The following ARID1A variants were observed in gnomAD, a reference collection of about 807,000 sequenced individuals.
ARID1A encodes the protein AT-rich interactive domain-containing protein 1A.
Under a neutral mutation model 212.6 loss-of-function variants are expected in ARID1A, and 20 were observed. The observed-to-expected ratio is 0.09, with a 90% CI of 0.07 to 0.14. The LOEUF is 0.14. ARID1A is among the 10% of genes least tolerant of loss of function. The pLI is 1.00. For synonymous variants in ARID1A, 1,376 were observed against 1,222.1 expected (o/e 1.13, Z -2.63); for missense variants, 2,587 against 3,059.0 (o/e 0.85, Z 3.64).
chr1:26,698,989 A>C (rs1308078809), intron 1 of ARID1A, among the ~76,000 whole-genome samples: 2 of 152,154 alleles, frequency 1.3e-5, no homozygotes, highest in African/African-American at 4.8e-5. Flanking sequence ...ATAGCAGCTT[A>C]ATTTAAAGGG....
intron 19 of ARID1A, chr1:26,778,697 A>C (rs1557619260): frequency 9.1e-6 from 2 of 218,866 alleles, no homozygotes; most frequent in Admixed American, 5.4e-5. Context: ...CCAGGTTGAA[A>C]ACTGGCCTGG....
intron 4 of ARID1A, among the ~76,000 whole-genome samples, chr1:26,742,227 CAT>C (rs2080794329): frequency 6.6e-6 from 1 of 152,186 alleles, no homozygotes; most frequent in African/African-American, 2.4e-5. Flanking sequence ...AATGGATTTC[CAT>C]TTTACTTCTG....
At chr1:26,745,481 G>A (rs180954641) in intron 4 of ARID1A, among the ~76,000 whole-genome samples, 10 of 152,242 alleles carry the variant, frequency 6.6e-5, no homozygotes, top group South Asian at 2.1e-4. Context: ...TGGAAATTTC[G>A]TTTTTAAGCT....
chr1:26,714,709 C>T (rs752312156), intron 1 of ARID1A, among the ~76,000 whole-genome samples: 36 of 152,082 alleles, frequency 2.4e-4, no homozygotes, highest in Non-Finnish European at 4.3e-4. Context: ...GCCACCGCGC[C>T]GCATATATAA....
rs1209441224 is a variant in ARID1A, at chr1:26,696,194, G to GCCT, written c.-198_-196dup. On this transcript the variant is annotated 5_prime_UTR_variant, in exon 1 of 20. Transcript: ENST00000324856. ...CGCCGGCGCCTCGGCCGCCGCCGCC[G>GCCT]CCTCCTCCTCCTCCGCCGCCGCCAG... 6.3e-5 allele frequency: 42 copies of GCCT among 665,660 alleles called. No individual in the cohort carries two copies. The highest frequency in any genetic ancestry group is 9.7e-5 in the African/African-American group (5 of 51,722). 41.2% of individuals were successfully genotyped at this position (665,660 alleles called of 1,614,324 possible). A position where few individuals can be genotyped will look rare whatever the true frequency, so the allele number is the denominator to read the frequency against.
At chr1:26,723,080 G>A (rs765162598) in intron 1 of ARID1A, among the ~76,000 whole-genome samples, 1 of 152,162 alleles carries the variant, frequency 6.6e-6, no homozygotes, top group Non-Finnish European at 1.5e-5. Context: ...AAATACTAGG[G>A]GATATAGAAA....
chr1:26,697,052 C>G lies in ARID1A; in HGVS notation c.649C>G (p.Pro217Ala), dbSNP rs1469429098. 4 of 1,532,578 alleles carry G rather than the reference C, an allele frequency of 2.6e-6. No homozygotes were observed. Among genetic ancestry groups the G allele is most frequent in the Admixed American group, 2.1e-5 (1 of 47,802 alleles). 94.9% of individuals were successfully genotyped at this position (1,532,578 alleles called of 1,614,324 possible). Residue 217 changes from proline (P) to alanine (A), a missense_variant, in exon 1 of 20, where the codon CCC (proline) becomes GCC (alanine). Around this residue, in one of 11 missense-constraint regions of ARID1A, gnomAD observed 735 missense variants for 590.6 expected, o/e 1.24. Coordinates refer to ENST00000324856, the MANE Select transcript of ARID1A (RefSeq NM_006015.6). ...FPNHQYNSYYPNRSAYPPPAP... is the reference protein window; with the variant it reads ...FPNHQYNSYYANRSAYPPPAP... Reference sequence around the variant, plus strand: ...CAACCACCAGTACAACTCCTACTACCCCAACCGCAGCGCCTACCCCCCGCC... The same window carrying G: ...CAACCACCAGTACAACTCCTACTACGCCAACCGCAGCGCCTACCCCCCGCC...
At chr1:26,762,722 G>A (rs1441551587) in intron 7 of ARID1A, among the ~76,000 whole-genome samples, 1 of 152,198 alleles carries the variant, frequency 6.6e-6, no homozygotes, top group East Asian at 1.9e-4. Context: ...CACAGAGCAT[G>A]GAAATAGAAA....
intron 1 of ARID1A, among the ~76,000 whole-genome samples, chr1:26,702,240 G>A (rs1047494451): frequency 2.0e-5 from 3 of 152,166 alleles, no homozygotes; most frequent in African/African-American, 7.2e-5. Flanking sequence ...TTTCATAGGT[G>A]CATTTGTTGT....
intron 11 of ARID1A, chr1:26,769,392 T>G (rs567755685): frequency 6.6e-6 from 1 of 152,230 alleles, no homozygotes; most frequent in Non-Finnish European, 1.5e-5. Context: ...ATAAGTTAGT[T>G]TGTGAAGGCT....
At position 26,771,172 on chromosome 1, in the gene ARID1A, A is replaced by T. The variant is rs2124097167; in HGVS notation, c.3252A>T (p.Thr1084=). 1 of 1,614,220 alleles carries T rather than the reference A, an allele frequency of 6.2e-7. No individual in the cohort carries two copies. The highest frequency in any genetic ancestry group is 8.5e-7 in the Non-Finnish European group (1 of 1,180,032). Residue 1084 remains threonine (T), a synonymous_variant, in exon 12 of 20, where the codon ACA becomes ACT. Transcript: ENST00000324856. The surrounding 1 kb of genome is among the most constrained non-coding windows in gnomAD (Gnocchi z 5.4). The part of the protein sequence containing the change: ...RELATNLNVG[T]SSSAASSLKK... ...TTGCAACCAACCTCAATGTGGGCAC[A>T]TCAAGCAGTGCTGCCAGCTCCTTGA...
chr1:26,752,390 CTCTT>C (rs928242046), intron 4 of ARID1A, among the ~76,000 whole-genome samples: 9 of 152,282 alleles, frequency 5.9e-5, no homozygotes, highest in African/African-American at 2.2e-4. Context: ...GGTCAAATTT[CTCTT>C]TCTTACATTT....
Position 26,696,291 on chromosome 1 carries a change from C to CGCCCGGGCGGGTGGGGAGGGCA in ARID1A, c.-105_-84dup, listed in dbSNP as rs888090260. On this transcript the variant is annotated 5_prime_UTR_variant, in exon 1 of 20. Coordinates refer to ENST00000324856, the MANE Select transcript of ARID1A (RefSeq NM_006015.6). ...CGCAGCAGCGGAGCCCCGCGAGGCC[C>CGCCCGGGCGGGTGGGGAGGGCA]GCCCGGGCGGGTGGGGAGGGCAGCC... The CGCCCGGGCGGGTGGGGAGGGCA allele has an allele frequency of 8.6e-7, 1 of 1,167,424 alleles. No homozygotes were observed. The highest frequency in any genetic ancestry group is 1.7e-5 in the African/African-American group (1 of 59,582). 72.3% of individuals were successfully genotyped at this position (1,167,424 alleles called of 1,614,324 possible).
intron 1 of ARID1A, among the ~76,000 whole-genome samples, chr1:26,725,871 T>C (rs1049085340): frequency 6.6e-6 from 1 of 151,150 alleles, no homozygotes; most frequent in African/African-American, 2.4e-5. Flanking sequence ...TTTTTTTTTT[T>C]TGAGACAGAG....
At chr1:26,740,302 T>C (rs2080775847) in intron 4 of ARID1A, among the ~76,000 whole-genome samples, 1 of 152,220 alleles carries the variant, frequency 6.6e-6, no homozygotes, top group African/African-American at 2.4e-5. Context: ...GATCCTCCTG[T>C]GTTTCATTAG....
chr1:26,709,064 T>G (rs1473810952), intron 1 of ARID1A, among the ~76,000 whole-genome samples: 1 of 152,184 alleles, frequency 6.6e-6, no homozygotes, highest in Non-Finnish European at 1.5e-5. Context: ...CAAAGTTTCA[T>G]AGCAGAGTCA....
In ARID1A at chr1:26,696,334, G is replaced by C. The variant is rs1372577468; in HGVS notation, c.-70G>C. On this transcript the variant is annotated 5_prime_UTR_variant, in exon 1 of 20. Coordinates refer to ENST00000324856, the MANE Select transcript of ARID1A (RefSeq NM_006015.6). Reference sequence around the variant, plus strand: ...GGGCAGCCCGGGGGACTGGGCCCCGGGGCGGGGTGGGAGGGGGGGAGAAGA... The same window carrying C: ...GGGCAGCCCGGGGGACTGGGCCCCGCGGCGGGGTGGGAGGGGGGGAGAAGA... 11 of 1,206,764 alleles carry C rather than the reference G, an allele frequency of 9.1e-6. No homozygotes were observed. Among genetic ancestry groups the C allele is most frequent in the Non-Finnish European group, 1.0e-5 (10 of 971,368 alleles). 74.8% of individuals were successfully genotyped at this position (1,206,764 alleles called of 1,614,324 possible). A position where few individuals can be genotyped will look rare whatever the true frequency, so the allele number is the denominator to read the frequency against.
intron 1 of ARID1A, among the ~76,000 whole-genome samples, chr1:26,704,897 A>G (rs1422978345): frequency 6.6e-6 from 1 of 152,008 alleles, no homozygotes; most frequent in Non-Finnish European, 1.5e-5. Context: ...TTAGGTTACT[A>G]TGGCCAAGCA....
chr1:26,715,934 C>T (rs1390960915), intron 1 of ARID1A, among the ~76,000 whole-genome samples: 2 of 151,702 alleles, frequency 1.3e-5, no homozygotes, highest in Non-Finnish European at 2.9e-5. Context: ...AGGCTGGGCG[C>T]GGTGGCTCAC....
Sources: allele counts gnomAD v4.1 joint callset (sites outside exome capture counted in the v4.1 genomes callset), GRCh38; gene constraint gnomAD v4.1.1; regional missense constraint gnomAD v4.1.1; non-coding constraint Gnocchi (gnomAD v3.1); transcripts MANE v1.5; gene names NCBI Gene and HGNC (gene_info 2026-07-23, HGNC 2026-07-21).